Variants in ANKRD36 observed in about 807,000 individuals in gnomAD.
The protein encoded by ANKRD36 is ankyrin repeat domain 36.
ANKRD36 carries 179 observed loss-of-function variants against 278.1 expected under a neutral mutation model. The observed-to-expected ratio is 0.64, with a 90% confidence interval of 0.57 to 0.73. The LOEUF (loss-of-function observed/expected upper bound fraction) is 0.73. Ranked by LOEUF, ANKRD36 falls within the 30% of genes least tolerant of loss-of-function variation. The pLI is 0.00. For synonymous variants in ANKRD36, 320 were observed against 641.1 expected, an observed-to-expected ratio of 0.50 and a Z score of 7.57; for missense variants, 1,159 against 1,956.7, an observed-to-expected ratio of 0.59 and a Z score of 7.69.
intron 6 of ANKRD36, among the ~76,000 whole-genome samples, chr2:97,134,676 T>C (rs1044185859): frequency 1.3e-5 from 2 of 151,846 alleles, no homozygotes; most frequent in African/African-American, 4.8e-5. Flanking sequence ...GTGACAAAGA[T>C]TTGTTGTTGT....
intron 22 of ANKRD36, 83 bp from the exon 23 acceptor site, chr2:97,179,655 C>T (rs2055529192): frequency 3.8e-6 from 6 of 1,565,736 alleles, no homozygotes; most frequent in Non-Finnish European, 4.3e-6. Flanking sequence ...AAACTTGATG[C>T]TAACATGCTA....
chr2:97,185,818 G>T (rs2057310933), intron 30 of ANKRD36, among the ~76,000 whole-genome samples: 1 of 151,786 alleles, frequency 6.6e-6, no homozygotes, highest in Non-Finnish European at 1.5e-5. Context: ...TTTCACCAAG[G>T]GTGGAAGGAG....
Position 97,122,976 on chromosome 2 carries a change from C to T in ANKRD36, c.576C>T (p.Ala192=). The change falls in exon 4 of 76, where the codon GCC becomes GCT. Residue 192 remains alanine (A), a synonymous_variant. Transcript: ENST00000420699. The part of the protein sequence containing the change: ...FLLKKKANVN[A]IDYLGRSALI... ...TAAAGAAAAAAGCAAATGTAAATGC[C>T]ATTGATTATCTTGGCAGGTACAGAC... 6.5e-7 allele frequency: 1 copy of T among 1,541,428 alleles called. No individual in the cohort carries two copies. The highest frequency in any genetic ancestry group is 1.4e-5 in the African/African-American group (1 of 72,864).
intron 51 of ANKRD36, 38 bp from the exon 52 acceptor site, chr2:97,206,025 C>T (rs1274623157): frequency 2.6e-6 from 4 of 1,542,208 alleles, no homozygotes; most frequent in African/African-American, 2.8e-5. Flanking sequence ...ATGAAACATA[C>T]TTTATTTATT....
intron 22 of ANKRD36, among the ~76,000 whole-genome samples, chr2:97,172,861 G>GTA (rs1559471922): frequency 6.9e-6 from 1 of 144,660 alleles, no homozygotes; most frequent in African/African-American, 2.5e-5. Context: ...GTGTGTGTAT[G>GTA]TGTGTGTATT....
At position 97,113,868 on chromosome 2, in the gene ANKRD36, T is replaced by C. The variant is rs779068345; in HGVS notation, c.129T>C (p.Gly43=). ...GGATCCACAGAGCTGTCTTACATGG[T>C]AATCTAGAGAAACTGAAGTACCTTC... is the stretch of plus-strand genomic sequence containing the variant. ...LKRIHRAVLH[G]NLEKLKYLLL... Residue 43 remains glycine, a synonymous_variant, in exon 1 of 76, where the codon GGT becomes GGC. Transcript: ENST00000420699. 1.2e-6 allele frequency: 2 copies of C among 1,613,110 alleles called. No homozygotes were observed. Among genetic ancestry groups the C allele is most frequent in the East Asian group, 2.3e-5 (1 of 44,228 alleles).
At position 97,205,926 on chromosome 2, in the gene ANKRD36, C is replaced by T; in HGVS notation, c.3062-14C>T. The stretch of plus-strand genomic sequence containing the variant: ...TTTACATATGACTGATTATGAATCA[C>T]TTTTGCTTTTCAGTGTCTTCTCAGA... On this transcript the variant is annotated splice_polypyrimidine_tract_variant and intron_variant, in intron 50 of 75. Coordinates refer to ENST00000420699, the MANE Select transcript of ANKRD36 (RefSeq NM_001354587.1). 3 of 1,549,114 alleles carry T rather than the reference C, an allele frequency of 1.9e-6. No homozygotes were observed. Among genetic ancestry groups the T allele is most frequent in the Non-Finnish European group, 2.6e-6 (3 of 1,151,466 alleles).
chr2:97,117,296 T>G (rs574024319), intron 1 of ANKRD36, among the ~76,000 whole-genome samples: 74 of 152,130 alleles, frequency 4.9e-4, no homozygotes, highest in African/African-American at 1.7e-3. Context: ...TAAAAATTTG[T>G]TTTTTTATTT....
intron 36 of ANKRD36, among the ~76,000 whole-genome samples, chr2:97,191,609 C>G (rs1374526031): frequency 6.6e-6 from 1 of 151,582 alleles, no homozygotes; most frequent in African/African-American, 2.4e-5. Context: ...GGAGACCCCT[C>G]CTGTAGCAAT....
At chr2:97,187,595 G>A (rs551229120) in intron 32 of ANKRD36, among the ~76,000 whole-genome samples, 194 bp downstream of exon 32, 18 of 151,804 alleles carry the variant, frequency 1.2e-4, no homozygotes, top group African/African-American at 4.3e-4. Flanking sequence ...CATGATCTTC[G>A]CAGTAAGATT....
chr2:97,227,506 C>G (rs1455020551), intron 67 of ANKRD36, among the ~76,000 whole-genome samples: 1 of 152,116 alleles, frequency 6.6e-6, no homozygotes, highest in Non-Finnish European at 1.5e-5. Flanking sequence ...AGTTGCTGAT[C>G]AGCTTAAGGA....
chr2:97,125,800 C>G (rs2038460158), intron 5 of ANKRD36, among the ~76,000 whole-genome samples: 2 of 152,094 alleles, frequency 1.3e-5, no homozygotes, highest in African/African-American at 4.8e-5. Context: ...GGAAGCCATT[C>G]ATCGGAATTA....
At chr2:97,171,382 TG>T (rs1410566507) in intron 22 of ANKRD36, among the ~76,000 whole-genome samples, 2 of 147,124 alleles carry the variant, frequency 1.4e-5, no homozygotes, top group African/African-American at 5.0e-5. Flanking sequence ...TAAAAAATGA[TG>T]AGTTCATGTC....
rs200523082 is a variant in ANKRD36, at chr2:97,209,747, G to A, written c.3294+38G>A. The A allele has an allele frequency of 3.2e-5, 51 of 1,576,544 alleles. 1 individual carries two copies. Among genetic ancestry groups the A allele is most frequent in the South Asian group, 5.6e-5 (5 of 89,832 alleles). On this transcript the variant is annotated intron_variant, in intron 55 of 75. Transcript: ENST00000420699. Reference sequence around the variant, plus strand: ...TCATTCATATTGTGAGCTAGTAAACGTATAGCCTATGAAAGATACCTTACT... The same window carrying A: ...TCATTCATATTGTGAGCTAGTAAACATATAGCCTATGAAAGATACCTTACT...
At chr2:97,135,152 A>G (rs549809995) in intron 6 of ANKRD36, among the ~76,000 whole-genome samples, 347 of 152,030 alleles carry the variant, frequency 2.3e-3, no homozygotes, top group Non-Finnish European at 4.1e-3. Flanking sequence ...ATAGATCTAG[A>G]TTTTTTGAAT....
At chr2:97,118,310 A>G in intron 2 of ANKRD36, 34 bp from the exon 3 acceptor site, 1 of 1,611,486 alleles carries the variant, frequency 6.2e-7, no homozygotes, top group Non-Finnish European at 8.5e-7. Flanking sequence ...TTGATTTTTC[A>G]GTATTTGCAT....
chr2:97,206,540 AG>A (rs2062899321), intron 52 of ANKRD36, among the ~76,000 whole-genome samples: 1 of 151,450 alleles, frequency 6.6e-6, no homozygotes, highest in African/African-American at 2.4e-5. Context: ...TACACTCTGT[AG>A]GAGAACTAAG....
rs1360349230 is a variant in ANKRD36, at chr2:97,124,378, G to T, written c.594-82G>T. ...AATTGGGTTAATTCTACATGGACAG[G>T]CAACATATTAAGTTGATAAAGTATA... is the stretch of plus-strand genomic sequence containing the variant. On this transcript the variant is annotated intron_variant, in intron 4 of 75. Transcript: ENST00000420699. The T allele has an allele frequency of 5.4e-6, 8 of 1,470,134 alleles. 1 individual carries two copies. The highest frequency in any genetic ancestry group is 7.2e-6 in the Non-Finnish European group (8 of 1,107,436). 91.1% of individuals were successfully genotyped at this position (1,470,134 alleles called of 1,614,324 possible).
At chr2:97,228,008 C>T (rs1430981291) in intron 67 of ANKRD36, among the ~76,000 whole-genome samples, 1 of 152,108 alleles carries the variant, frequency 6.6e-6, no homozygotes, top group Non-Finnish European at 1.5e-5. Context: ...GGTGGATAAG[C>T]TTTTTGATGT....
Sources: gnomAD v4.1 joint callset for allele counts (sites outside exome capture counted in the v4.1 genomes callset) on GRCh38, gnomAD v4.1.1 for gene constraint, MANE v1.5 for transcripts, NCBI Gene and HGNC (gene_info 2026-07-23, HGNC 2026-07-21) for gene names.